COX7A2L: variants seen among roughly 807,000 people sequenced by gnomAD.
COX7A2L encodes the protein cytochrome c oxidase subunit 7A2 like.
Under a neutral mutation model 14.2 loss-of-function variants are expected in COX7A2L, and 18 were observed. The observed-to-expected ratio is 1.27, with a 90% CI of 0.88 to 1.88. The LOEUF (loss-of-function observed/expected upper bound fraction) is 1.88. COX7A2L is among the 40% of genes most tolerant of loss of function. COX7A2L has a pLI of 0.00. For synonymous variants in COX7A2L, 65 were observed against 57.4 expected (o/e 1.13, Z -0.60); for missense variants, 179 against 138.8 (o/e 1.29, Z -1.46).
intron 1 of COX7A2L, among the ~76,000 whole-genome samples, chr2:42,367,278 T>G (rs951695265): frequency 6.6e-6 from 1 of 152,140 alleles, no homozygotes; most frequent in Non-Finnish European, 1.5e-5. Context: ...ATAAGTTACT[T>G]CCCCACTCTG....
At chr2:42,359,530 G>A (rs1193660323) in intron 1 of COX7A2L, 1 of 152,142 alleles carries the variant, frequency 6.6e-6, no homozygotes, top group African/African-American at 2.4e-5. Flanking sequence ...TAAAAGAAGT[G>A]CAACACTGCT....
At chr2:42,352,862 C>G in intron 2 of COX7A2L, 1 of 295,496 alleles carries the variant, frequency 3.4e-6, no homozygotes, top group Non-Finnish European at 6.2e-6. Flanking sequence ...CAAGTCATTA[C>G]ATGTGTCACG....
chr2:42,355,274 G>A (rs927049360), intron 1 of COX7A2L, among the ~76,000 whole-genome samples: 5 of 152,186 alleles, frequency 3.3e-5, no homozygotes, highest in Admixed American at 2.0e-4. Context: ...GGTTTGAACT[G>A]GATGGAGAAT....
Position 42,351,159 on chromosome 2 carries a change from AT to A in COX7A2L, c.*59del. 6.7e-7 allele frequency: 1 copy of A among 1,502,022 alleles called. No individual in the cohort carries two copies. Among genetic ancestry groups the A allele is most frequent in the Non-Finnish European group, 8.9e-7 (1 of 1,122,328 alleles). 93.0% of individuals were successfully genotyped at this position (1,502,022 alleles called of 1,614,324 possible). A position where few individuals can be genotyped will look rare whatever the true frequency, so the allele number is the denominator to read the frequency against. ...TAAAAAAAAAAATTTTAATTTAACA[AT>A]GAAAAAGGAACTTCAAAGGGTTTAT... is the stretch of plus-strand genomic sequence containing the variant. On this transcript the variant is annotated 3_prime_UTR_variant, in exon 3 of 3. Coordinates refer to ENST00000234301, the MANE Select transcript of COX7A2L (RefSeq NM_004718.4).
chr2:42,354,140 TA>T (rs1412465662), intron 1 of COX7A2L, among the ~76,000 whole-genome samples: 6 of 152,186 alleles, frequency 3.9e-5, no homozygotes, highest in Non-Finnish European at 7.4e-5. Context: ...TTGAGGTGAT[TA>T]AAAAAATGCT....
chr2:42,355,717 CTTTT>C (rs386390054), intron 1 of COX7A2L, among the ~76,000 whole-genome samples: 2 of 69,048 alleles, frequency 2.9e-5, no homozygotes, highest in South Asian at 5.4e-4. Context: ...ATCCTACGTT[CTTTT>C]TTTTTTTTTT....
intron 1 of COX7A2L, among the ~76,000 whole-genome samples, chr2:42,354,914 T>G (rs140506883): frequency 6.9e-4 from 105 of 152,358 alleles, no homozygotes; most frequent in African/African-American, 2.2e-3. Context: ...ATGCATTACT[T>G]CACTTAATTC....
upstream of COX7A2L, among the ~76,000 whole-genome samples, chr2:42,364,910 T>A (rs1379915129): frequency 1.3e-5 from 2 of 152,210 alleles, no homozygotes; most frequent in Non-Finnish European, 2.9e-5. Context: ...CAATACAGTG[T>A]GTGAAACTGC....
intron 2 of COX7A2L, among the ~76,000 whole-genome samples, chr2:42,340,072 G>A (rs541519407): frequency 2.6e-5 from 4 of 152,128 alleles, no homozygotes; most frequent in African/African-American, 7.2e-5. Flanking sequence ...CAGATCCCTC[G>A]CCTTCTCCTC....
intron 2 of COX7A2L, among the ~76,000 whole-genome samples, chr2:42,337,732 C>T (rs567522129): frequency 6.6e-6 from 1 of 152,286 alleles, no homozygotes; most frequent in African/African-American, 2.4e-5. Flanking sequence ...TCCTCAGAGT[C>T]TCAAAATAAA....
chr2:42,364,250 C>CAAAAAAAAAAAAAAAAAAAAAAA (rs35151680), upstream of COX7A2L, among the ~76,000 whole-genome samples: 205 of 85,332 alleles, frequency 2.4e-3, no homozygotes, highest in Non-Finnish European at 4.3e-3. Flanking sequence ...GACTCCGTCT[C>CAAAAAAAAAAAAAAAAAAAAAAA]AAAAAAAAAA....
chr2:42,354,377 T>C (rs1670751698), intron 1 of COX7A2L, among the ~76,000 whole-genome samples: 1 of 152,100 alleles, frequency 6.6e-6, no homozygotes, highest in African/African-American at 2.4e-5. Flanking sequence ...AATAAGGAGC[T>C]AAGAGTTATA....
At chr2:42,346,052 G>T (rs1572786791), downstream of COX7A2L, among the ~76,000 whole-genome samples, 2 of 152,144 alleles carry the variant, frequency 1.3e-5, no homozygotes, top group East Asian at 1.9e-4. Flanking sequence ...TAACATCCAA[G>T]AATAGGGCAG....
chr2:42,346,305 G>C (rs886248846), downstream of COX7A2L, among the ~76,000 whole-genome samples: 3 of 152,172 alleles, frequency 2.0e-5, no homozygotes, highest in African/African-American at 7.2e-5. Flanking sequence ...AGGTACCTTG[G>C]ACTCGAAGGC....
intron 2 of COX7A2L, among the ~76,000 whole-genome samples, chr2:42,340,205 C>G (rs1171959520): frequency 2.0e-5 from 3 of 152,108 alleles, no homozygotes; most frequent in Non-Finnish European, 4.4e-5. Flanking sequence ...CACCCAGAAG[C>G]CAAGCTGCAC....
chr2:42,347,836 G>C (rs1308040498), downstream of COX7A2L, among the ~76,000 whole-genome samples: 1 of 152,160 alleles, frequency 6.6e-6, no homozygotes, highest in Non-Finnish European at 1.5e-5. Flanking sequence ...CAGGAGAACT[G>C]CTTGAACCCA....
chr2:42,365,237 T>C (rs981945584), upstream of COX7A2L, among the ~76,000 whole-genome samples: 2 of 152,222 alleles, frequency 1.3e-5, no homozygotes, highest in African/African-American at 4.8e-5. Context: ...TTTCTCATCA[T>C]TGAGGATTCC....
At chr2:42,362,676 G>C (rs1558637944), upstream of COX7A2L, among the ~76,000 whole-genome samples, 1 of 152,258 alleles carries the variant, frequency 6.6e-6, no homozygotes, top group East Asian at 1.9e-4. Flanking sequence ...CCTGGTTGCA[G>C]GCTTACGTTC....
rs1670422581 is a variant in COX7A2L, at chr2:42,342,683, T to C, written c.193-8814A>G. Among the ~76,000 whole-genome samples the C allele has an allele frequency of 6.6e-6, 1 of 152,112 alleles. No homozygotes were observed. The highest frequency in any genetic ancestry group is 6.5e-5 in the Admixed American group (1 of 15,270). The stretch of plus-strand genomic sequence containing the variant: ...CACAGCCATGTGACCATGACTAATC[T>C]ATGTCATAGACGAGGTCAGAACAAG... On this transcript the variant is annotated intron_variant, in intron 2 of 2. Transcript: ENST00000468711. The surrounding 1 kb of genome is among the most constrained non-coding windows in gnomAD (Gnocchi z 4.9).
Sources: allele counts gnomAD v4.1 joint callset (sites outside exome capture counted in the v4.1 genomes callset), GRCh38; gene constraint gnomAD v4.1.1; non-coding constraint Gnocchi (gnomAD v3.1); transcripts MANE v1.5; gene names NCBI Gene and HGNC (gene_info 2026-07-23, HGNC 2026-07-21).